NECAB1: variants seen among roughly 807,000 people sequenced by gnomAD.
NECAB1 encodes N-terminal EF-hand calcium-binding protein 1.
In NECAB1, 29 loss-of-function variants were observed where a neutral mutation model predicts 57.5. That is an observed-to-expected ratio of 0.50 (90% CI 0.38 to 0.69). The LOEUF (loss-of-function observed/expected upper bound fraction) is 0.69. Among genes scored for constraint, NECAB1 ranks in the 30% least tolerant of loss-of-function variants. The pLI, the probability that NECAB1 is intolerant of heterozygous loss-of-function variation, is 0.00. For synonymous variants in NECAB1, 142 were observed against 147.7 expected (o/e 0.96, Z 0.28); for missense variants, 372 against 413.8 (o/e 0.90, Z 0.88).
chr8:90,894,618 G>A (rs1809278107), intron 5 of NECAB1, among the ~76,000 whole-genome samples: 1 of 152,138 alleles, frequency 6.6e-6, no homozygotes. Context: ...AATAGTCATG[G>A]GACTAGTTAT....
intron 3 of NECAB1, among the ~76,000 whole-genome samples, chr8:90,856,555 T>A (rs761883818): frequency 3.9e-5 from 6 of 152,198 alleles, no homozygotes; most frequent in Non-Finnish European, 7.3e-5. Flanking sequence ...AATGGAATAG[T>A]TTATATAGTT....
chr8:90,868,076 ACT>A (rs200872984), intron 3 of NECAB1, among the ~76,000 whole-genome samples: 16 of 134,526 alleles, frequency 1.2e-4, no homozygotes, highest in Admixed American at 3.3e-4. Context: ...TTCCCCCTTC[ACT>A]CTCTCTCTTT....
chr8:90,838,292 G>T (rs532945382), intron 3 of NECAB1, among the ~76,000 whole-genome samples: 1 of 152,064 alleles, frequency 6.6e-6, no homozygotes, highest in Non-Finnish European at 1.5e-5. Flanking sequence ...TAAGAGTTAA[G>T]TTCCCATAGC....
Position 90,929,857 on chromosome 8 carries a change from C to T in NECAB1, c.693+1558C>T, listed in dbSNP as rs186310276. 9.2e-4 allele frequency among the ~76,000 whole-genome samples: 140 copies of T among 152,162 alleles called. 3 individuals are homozygous for T. The highest frequency in any genetic ancestry group is 1.9e-4 in the Non-Finnish European group (13 of 67,998). ...GGCATGAGCAAGGTGATGGCATCTG[C>T]AAGGTTCAGTAGATTGGCCTGGTTA... On this transcript the variant is annotated intron_variant, in intron 8 of 12. Coordinates refer to ENST00000417640, the MANE Select transcript of NECAB1 (RefSeq NM_022351.5).
intron 3 of NECAB1, among the ~76,000 whole-genome samples, chr8:90,849,694 T>TTTG (rs1159026273): frequency 4.8e-4 from 53 of 110,794 alleles, no homozygotes; most frequent in African/African-American, 2.8e-3. Flanking sequence ...TAATTTTTTT[T>TTTG]TTTTTTTTTT....
chr8:90,915,529 T>C (rs1809929261), intron 5 of NECAB1, among the ~76,000 whole-genome samples: 1 of 152,168 alleles, frequency 6.6e-6, no homozygotes. Flanking sequence ...GACATTGCAA[T>C]TTTTAATTTT....
chr8:90,941,527 T>C (rs1314988839), intron 10 of NECAB1, among the ~76,000 whole-genome samples: 1 of 152,226 alleles, frequency 6.6e-6, no homozygotes, highest in African/African-American at 2.4e-5. Context: ...AAATAGTTAC[T>C]ATAATAATTT....
chr8:90,851,915 T>C (rs1441670701), intron 3 of NECAB1, among the ~76,000 whole-genome samples: 2 of 152,198 alleles, frequency 1.3e-5, no homozygotes, highest in Non-Finnish European at 2.9e-5. Flanking sequence ...TAAGTTCGTC[T>C]GTGGTCCACC....
At chr8:90,874,769 AT>A (rs1808683724) in intron 4 of NECAB1, among the ~76,000 whole-genome samples, 1 of 152,210 alleles carries the variant, frequency 6.6e-6, no homozygotes, top group Admixed American at 6.5e-5. Context: ...TGAAATAAAT[AT>A]TCTCATATAC....
intron 3 of NECAB1, among the ~76,000 whole-genome samples, chr8:90,871,607 C>T (rs922278237): frequency 1.3e-5 from 2 of 152,094 alleles, no homozygotes; most frequent in Non-Finnish European, 2.9e-5. Flanking sequence ...GAAGGAAATT[C>T]TAGCATTTCT....
chr8:90,920,367 T>C, intron 6 of NECAB1, among the ~76,000 whole-genome samples: 1 of 152,196 alleles, frequency 6.6e-6, no homozygotes. Context: ...CTAAAGGGAC[T>C]GTGTCTCCTC....
intron 3 of NECAB1, among the ~76,000 whole-genome samples, chr8:90,844,785 ACGT>A (rs1586052733): frequency 3.0e-5 from 4 of 132,400 alleles, no homozygotes; most frequent in South Asian, 2.4e-4. Flanking sequence ...TTACTGAGCT[ACGT>A]TCTTCTAAAT....
intron 5 of NECAB1, among the ~76,000 whole-genome samples, chr8:90,902,981 T>C (rs1211716165): frequency 6.6e-6 from 1 of 152,020 alleles, no homozygotes; most frequent in Non-Finnish European, 1.5e-5. Context: ...AATATGAGAT[T>C]GATGAATAAA....
intron 6 of NECAB1, among the ~76,000 whole-genome samples, chr8:90,921,628 C>T (rs1203800858): frequency 6.6e-6 from 1 of 151,718 alleles, no homozygotes; most frequent in Non-Finnish European, 1.5e-5. Flanking sequence ...AAGCAGAGAT[C>T]GCGCCACTAC....
intron 3 of NECAB1, among the ~76,000 whole-genome samples, chr8:90,867,742 T>C (rs1391680876): frequency 6.6e-6 from 1 of 152,216 alleles, no homozygotes; most frequent in Non-Finnish European, 1.5e-5. Flanking sequence ...AAAGTAAATA[T>C]AAATACAAAT....
At chr8:90,794,765 A>T (rs1245887297) in intron 1 of NECAB1, among the ~76,000 whole-genome samples, 1 of 152,236 alleles carries the variant, frequency 6.6e-6, no homozygotes, top group Non-Finnish European at 1.5e-5. Flanking sequence ...ATAAATTTGA[A>T]GTATTATGGT....
intron 4 of NECAB1, among the ~76,000 whole-genome samples, chr8:90,874,038 TATA>T (rs1808667476): frequency 6.6e-6 from 1 of 152,200 alleles, no homozygotes; most frequent in Non-Finnish European, 1.5e-5. Flanking sequence ...AGTCATGTGT[TATA>T]ATCCTCCCCC....
At chr8:90,843,754 C>A (rs537079181) in intron 3 of NECAB1, among the ~76,000 whole-genome samples, 1 of 152,326 alleles carries the variant, frequency 6.6e-6, no homozygotes, top group East Asian at 1.9e-4. Context: ...GCAGTACTTC[C>A]TTTTAAGCTG....
At chr8:90,833,956 A>G (rs1029414209) in intron 3 of NECAB1, among the ~76,000 whole-genome samples, 1 of 152,140 alleles carries the variant, frequency 6.6e-6, no homozygotes, top group Non-Finnish European at 1.5e-5. Flanking sequence ...TGAGATCAAG[A>G]GTTCGAGACC....
Sources: allele counts gnomAD v4.1 joint callset (sites outside exome capture counted in the v4.1 genomes callset), GRCh38; gene constraint gnomAD v4.1.1; transcripts MANE v1.5; gene names NCBI Gene and HGNC (gene_info 2026-07-23, HGNC 2026-07-21).